The following PCDHA2 variants were observed in gnomAD, a reference collection of about 807,000 sequenced individuals.
PCDHA2 encodes the protein protocadherin alpha 2.
In PCDHA2, 58 loss-of-function variants were observed where a neutral mutation model predicts 66.0. The observed-to-expected ratio is 0.88, with a 90% CI of 0.71 to 1.09. PCDHA2 has a LOEUF of 1.09. Among genes scored for constraint, PCDHA2 ranks in the 50% least tolerant of loss-of-function variants. PCDHA2 has a pLI of 0.00. For synonymous variants in PCDHA2, 634 were observed against 554.0 expected, an observed-to-expected ratio of 1.14 and a Z score of -2.03; for missense variants, 1,267 against 1,242.3, an observed-to-expected ratio of 1.02 and a Z score of -0.30.
At chr5:140,968,877 T>A in intron 1 of PCDHA2, 1 of 1,614,226 alleles carries the variant, frequency 6.2e-7, no homozygotes, top group South Asian at 1.1e-5. Flanking sequence ...TACTCTGAAA[T>A]TACCCTTTAT....
chr5:140,848,884 C>T, intron 1 of PCDHA2: 2 of 1,591,388 alleles, frequency 1.3e-6, no homozygotes, highest in South Asian at 1.1e-5. Flanking sequence ...AACGACAACC[C>T]TCCAGTGTTC....
chr5:140,857,804 G>A, intron 1 of PCDHA2: 1 of 1,597,858 alleles, frequency 6.3e-7, no homozygotes, highest in Non-Finnish European at 8.6e-7. Context: ...GTCGGTGGTT[G>A]CGGGTCACGT....
intron 1 of PCDHA2, chr5:140,870,846 G>T: frequency 6.2e-7 from 1 of 1,613,860 alleles, no homozygotes; most frequent in Non-Finnish European, 8.5e-7. Context: ...AGCTAGTACC[G>T]CGGTCGGTGG....
intron 1 of PCDHA2, chr5:140,854,248 G>A (rs781986027): frequency 3.2e-6 from 2 of 634,534 alleles, no homozygotes; most frequent in Non-Finnish European, 3.9e-6. Context: ...GTTATCACTT[G>A]GTATAAAATG....
At chr5:140,809,445 A>T in intron 1 of PCDHA2, 1 of 1,614,234 alleles carries the variant, frequency 6.2e-7, no homozygotes, top group Non-Finnish European at 8.5e-7. Context: ...TACTCGCAGC[A>T]GAGGAGGCCG....
intron 1 of PCDHA2, chr5:140,882,292 C>G (rs2059050033): frequency 1.2e-6 from 2 of 1,613,422 alleles, no homozygotes; most frequent in African/African-American, 1.3e-5. Flanking sequence ...GGCAAGGAGG[C>G]CCAAGACCGC....
chr5:140,797,567 A>T (rs1359618598), intron 1 of PCDHA2: 1 of 669,404 alleles, frequency 1.5e-6, no homozygotes, highest in Non-Finnish European at 2.5e-6. Flanking sequence ...ACATTTTGGC[A>T]CTTCCATCAT....
At chr5:140,877,374 A>C in intron 1 of PCDHA2, 1 of 1,613,970 alleles carries the variant, frequency 6.2e-7, no homozygotes, top group Non-Finnish European at 8.5e-7. Context: ...TCAGCACGAC[A>C]CGCATCCTGG....
In PCDHA2 at chr5:140,796,795, C is replaced by A. The variant is rs185043234; in HGVS notation, c.1831C>A (p.Leu611Ile). The A allele has an allele frequency of 6.2e-7, 1 of 1,614,154 alleles. No homozygotes were observed. Among genetic ancestry groups the A allele is most frequent in the African/African-American group, 1.3e-5 (1 of 75,058 alleles). ...CTACAACGCGTGGCTTTCGTACGAG[C>A]TTCAGCTGGGTACTGGCAGCGCTCG... ...SGYNAWLSYELQLGTGSARIP... is the reference protein window; with the variant it reads ...SGYNAWLSYEIQLGTGSARIP... Residue 611 changes from leucine (L) to isoleucine (I), a missense_variant, in exon 1 of 4, where the codon CTT becomes ATT. Transcript: ENST00000526136.
chr5:140,870,264 G>C (rs1554163970), intron 1 of PCDHA2: 1 of 1,614,166 alleles, frequency 6.2e-7, no homozygotes, highest in South Asian at 1.1e-5. Context: ...TGACCTGCTC[G>C]CTGACGCCCC....
chr5:140,856,321 C>G lies in PCDHA2; in HGVS notation c.2388+58969C>G, dbSNP rs544932528. ...TGTTTGTGAATTCTCGGATTGACCG[C>G]GAGGAGCTGTGCGGGCGGAGCGTGG... On this transcript the variant is annotated intron_variant, in intron 1 of 3. Transcript: ENST00000526136. 15 of 1,598,548 alleles carry G rather than the reference C, an allele frequency of 9.4e-6. 2 individuals are homozygous for G. In the Admixed American group the frequency reaches 1.3e-4, roughly 14 times the overall value.
intron 3 of PCDHA2, among the ~76,000 whole-genome samples, chr5:140,999,809 CAA>C (rs1350603380): frequency 1.3e-5 from 2 of 152,160 alleles, no homozygotes; most frequent in African/African-American, 2.4e-5. Flanking sequence ...GGGCACAAAG[CAA>C]GAGCTGTGGC....
At chr5:140,844,413 A>G (rs1581068328) in intron 1 of PCDHA2, among the ~76,000 whole-genome samples, 1 of 149,462 alleles carries the variant, frequency 6.7e-6, no homozygotes, top group East Asian at 1.9e-4. Flanking sequence ...ATTTGGAGAC[A>G]TGTTTTTTAT....
At chr5:140,863,248 G>T (rs782700291) in intron 1 of PCDHA2, 54 of 1,395,948 alleles carry the variant, frequency 3.9e-5, no homozygotes, top group Middle Eastern at 1.9e-4. Flanking sequence ...TTTGGCGGGC[G>T]TCGAGGTCCG....
At chr5:140,931,853 G>A (rs2087796602) in intron 1 of PCDHA2, among the ~76,000 whole-genome samples, 1 of 151,744 alleles carries the variant, frequency 6.6e-6, no homozygotes, top group African/African-American at 2.4e-5. Context: ...ATAACAACAG[G>A]ATTCTAGAAA....
At position 140,849,621 on chromosome 5, in the gene PCDHA2, G is replaced by C. The variant is rs2150442688; in HGVS notation, c.2388+52269G>C. 15 of 1,598,666 alleles carry C rather than the reference G, an allele frequency of 9.4e-6. 1 individual carries two copies. The highest frequency in any genetic ancestry group is 1.7e-5 in the Admixed American group (1 of 59,290). ...AGTTATTGCCCTGATTAGTGTGATCGACCTAGACGCAGATGCCAACGGGCA... is the reference window on the plus strand; with the variant it reads ...AGTTATTGCCCTGATTAGTGTGATCCACCTAGACGCAGATGCCAACGGGCA... On this transcript the variant is annotated intron_variant, in intron 1 of 3. Coordinates refer to ENST00000526136, the MANE Select transcript of PCDHA2 (RefSeq NM_018905.3).
chr5:140,966,515 G>A, intron 1 of PCDHA2: 1 of 436,996 alleles, frequency 2.3e-6, no homozygotes, highest in East Asian at 3.5e-5. Context: ...AGCAGCAGCA[G>A]GAAGCCGAGC....
Position 140,842,675 on chromosome 5 carries a change from G to A in PCDHA2, c.2388+45323G>A. The A allele has an allele frequency of 1.3e-5, 20 of 1,595,468 alleles. 3 individuals are homozygous for A. The highest frequency in any genetic ancestry group is 3.5e-4 in the Middle Eastern group (2 of 5,774). ...GGAGGTGGCCGACGTGAACGACAAT[G>A]CTCCGGCGTTCGCGCAGCCCGAGTA... On this transcript the variant is annotated intron_variant, in intron 1 of 3. Transcript: ENST00000526136.
Position 140,842,571 on chromosome 5 carries a change from G to A in PCDHA2, c.2388+45219G>A, listed in dbSNP as rs2150339476. The A allele has an allele frequency of 9.3e-6, 14 of 1,508,304 alleles. No individual in the cohort carries two copies. Among genetic ancestry groups the A allele is most frequent in the Non-Finnish European group, 1.2e-5 (13 of 1,110,420 alleles). The allele number at this position is 1,508,304 out of a possible 1,614,324, so 93.4% of individuals were successfully genotyped here. On this transcript the variant is annotated intron_variant, in intron 1 of 3. Coordinates refer to ENST00000526136, the MANE Select transcript of PCDHA2 (RefSeq NM_018905.3). ...CTGGACAGCGCCCTGGACCGCGAGA[G>A]AGTGTCGGCCTATGAGTTGGTGGTA...
Sources: gnomAD v4.1 joint callset for allele counts (sites outside exome capture counted in the v4.1 genomes callset) on GRCh38, gnomAD v4.1.1 for gene constraint, MANE v1.5 for transcripts, NCBI Gene and HGNC (gene_info 2026-07-23, HGNC 2026-07-21) for gene names.